Variants in ATP2C2 observed in about 807,000 individuals in gnomAD.
ATP2C2 encodes the protein calcium-transporting ATPase type 2C member 2.
In ATP2C2, 171 loss-of-function variants were observed where a neutral mutation model predicts 110.8. The ratio of observed to expected loss-of-function variants is 1.54; its 90% CI spans 1.36 to 1.75. The LOEUF is 1.75. Among genes scored for constraint, ATP2C2 ranks in the 40% most tolerant of loss-of-function variants. ATP2C2 has a pLI of 0.00. For missense variants in ATP2C2, 1,963 were observed against 1,235.0 expected (o/e 1.59, Z -8.84); for synonymous variants, 804 against 508.4 (o/e 1.58, Z -7.82).
intron 2 of ATP2C2, among the ~76,000 whole-genome samples, chr16:84,402,450 G>A (rs1023947433): frequency 1.3e-5 from 2 of 152,132 alleles, no homozygotes; most frequent in Non-Finnish European, 2.9e-5. Context: ...TGTCATATAT[G>A]GCTTTTATTA....
At chr16:84,411,579 C>T (rs923264368) in intron 6 of ATP2C2, among the ~76,000 whole-genome samples, 4 of 152,146 alleles carry the variant, frequency 2.6e-5, no homozygotes, top group South Asian at 2.1e-4. Flanking sequence ...ATAGCTGGGA[C>T]TACAGGCATG....
intron 26 of ATP2C2, chr16:84,462,349 C>T (rs1218660186): frequency 1.7e-6 from 1 of 588,934 alleles, no homozygotes; most frequent in Non-Finnish European, 2.9e-6. Context: ...GCCTGTCACT[C>T]AAGAGTAGTA....
chr16:84,419,052 T>TAC (rs1907085652), intron 7 of ATP2C2, among the ~76,000 whole-genome samples: 1 of 151,028 alleles, frequency 6.6e-6, no homozygotes, highest in Non-Finnish European at 1.5e-5. Flanking sequence ...CTACTAAAAA[T>TAC]AAAAAAATTA....
At chr16:84,462,288 G>C in intron 26 of ATP2C2, 159 bp downstream of exon 26, 5 of 950,666 alleles carry the variant, frequency 5.3e-6, no homozygotes, top group African/African-American at 1.6e-5. Flanking sequence ...CTCACAGGAA[G>C]GGACTCTAAC....
chr16:84,435,420 C>G (rs1362790534), intron 11 of ATP2C2, among the ~76,000 whole-genome samples: 1 of 152,212 alleles, frequency 6.6e-6, no homozygotes, highest in African/African-American at 2.4e-5. Flanking sequence ...GTGGAGTGCT[C>G]ACTGTGTGCT....
chr16:84,403,646 A>G (rs1033652239), intron 2 of ATP2C2, among the ~76,000 whole-genome samples: 2 of 151,992 alleles, frequency 1.3e-5, no homozygotes, highest in East Asian at 1.9e-4. Context: ...TGCATTAAGT[A>G]TAGTCACACT....
At chr16:84,446,975 A>C (rs1048547476) in intron 16 of ATP2C2, among the ~76,000 whole-genome samples, 9 of 152,218 alleles carry the variant, frequency 5.9e-5, no homozygotes, top group African/African-American at 2.2e-4. Context: ...CAGCGTGTGC[A>C]CACGTGTTGT....
At chr16:84,400,559 C>T (rs1303803088) in intron 2 of ATP2C2, among the ~76,000 whole-genome samples, 2 of 152,124 alleles carry the variant, frequency 1.3e-5, no homozygotes, top group Non-Finnish European at 2.9e-5. Flanking sequence ...GATCTCCTGA[C>T]CTCATGATCT....
chr16:84,444,730 C>T (rs565695905), intron 15 of ATP2C2, among the ~76,000 whole-genome samples: 1 of 151,238 alleles, frequency 6.6e-6, no homozygotes, highest in East Asian at 1.9e-4. Flanking sequence ...GGTTCCAGCA[C>T]CCAGAAGAGA....
chr16:84,381,086 G>A (rs1910553907), intron 1 of ATP2C2, among the ~76,000 whole-genome samples: 1 of 152,198 alleles, frequency 6.6e-6, no homozygotes, highest in Non-Finnish European at 1.5e-5. Context: ...GTGCAGGCGG[G>A]CTGAGTCCGA....
In ATP2C2 at chr16:84,370,361, C is replaced by T. The variant is rs113461802; in HGVS notation, c.99+1647C>T. ...ATGGGCAGTGTGCAGCGCCAGGAGG[C>T]GGGTGATACCAGCACTGACACCAAA... On this transcript the variant is annotated intron_variant, in intron 1 of 26. Transcript: ENST00000262429. Among the ~76,000 whole-genome samples the T allele has an allele frequency of 3.3e-3, 498 of 152,298 alleles. 2 individuals carry two copies. The highest frequency in any genetic ancestry group is 9.7e-3 in the African/African-American group (405 of 41,560).
chr16:84,374,803 A>G (rs1300716364), intron 1 of ATP2C2, among the ~76,000 whole-genome samples: 1 of 152,192 alleles, frequency 6.6e-6, no homozygotes, highest in Non-Finnish European at 1.5e-5. Context: ...TTCAGCTGCT[A>G]TTTCTCTTTC....
chr16:84,419,584 A>C (rs1032781072), intron 7 of ATP2C2, among the ~76,000 whole-genome samples: 1 of 152,180 alleles, frequency 6.6e-6, no homozygotes, highest in Non-Finnish European at 1.5e-5. Context: ...AGCTGGGGGC[A>C]GGGGGACGTT....
At chr16:84,410,961 T>G in intron 6 of ATP2C2, 196 bp downstream of exon 6, 1 of 611,730 alleles carries the variant, frequency 1.6e-6, no homozygotes, top group Non-Finnish European at 2.9e-6. Flanking sequence ...TCAACCTCTC[T>G]GGGCCTCAGC....
In ATP2C2 at chr16:84,452,028, T is replaced by C; in HGVS notation, c.1768T>C (p.Ser590Pro). The C allele has an allele frequency of 1.2e-6, 2 of 1,613,540 alleles. No individual in the cohort carries two copies. The change falls in exon 18 of 27, where the codon TCC (serine) becomes CCC (proline). Residue 590 changes from serine to proline, a missense_variant. Physicochemically the swap from Ser to Pro is moderately conservative, Grantham distance 74. Transcript: ENST00000262429. ...CGTGAAGGAAGCAGTCCAGGTTCTC[T>C]CCGAGTCTGGTGTGTCTGTGAAGAT... ...VGVKEAVQVL[S>P]ESGVSVKMIT...
At chr16:84,411,928 TCTTTC>T (rs1415573870) in intron 6 of ATP2C2, among the ~76,000 whole-genome samples, 2 of 151,926 alleles carry the variant, frequency 1.3e-5, no homozygotes, top group Non-Finnish European at 2.9e-5. Flanking sequence ...TTCTTTTCTT[TCTTTC>T]CTTTCTTTTC....
At chr16:84,422,747 T>C (rs770578225) in intron 9 of ATP2C2, 50 bp downstream of exon 9, 1 of 1,546,918 alleles carries the variant, frequency 6.5e-7, no homozygotes, top group Non-Finnish European at 8.8e-7. Flanking sequence ...GAGTTTGAGA[T>C]TATTATAGGC....
intron 1 of ATP2C2, among the ~76,000 whole-genome samples, chr16:84,391,157 G>T (rs556494915): frequency 3.3e-5 from 5 of 150,700 alleles, no homozygotes; most frequent in Admixed American, 3.3e-4. Context: ...GGGAAGGTTT[G>T]GTTCTGCCTA....
chr16:84,445,380 T>A (rs1296156035), intron 15 of ATP2C2, among the ~76,000 whole-genome samples: 2 of 152,028 alleles, frequency 1.3e-5, no homozygotes, highest in Admixed American at 1.3e-4. Flanking sequence ...GGCTAACTTT[T>A]TGTATTTTTA....
Sources: gnomAD v4.1 joint callset for allele counts (sites outside exome capture counted in the v4.1 genomes callset) on GRCh38, gnomAD v4.1.1 for gene constraint, MANE v1.5 for transcripts, NCBI Gene and HGNC (gene_info 2026-07-23, HGNC 2026-07-21) for gene names.